The following PSD3 variants were observed in gnomAD, a reference collection of about 807,000 sequenced individuals.
The protein encoded by PSD3 is pleckstrin and Sec7 domain containing 3.
Under a neutral mutation model 105.5 loss-of-function variants are expected in PSD3, and 49 were observed. The ratio of observed to expected loss-of-function variants is 0.46; its 90% CI spans 0.37 to 0.59. The LOEUF (loss-of-function observed/expected upper bound fraction) is 0.59. Among genes scored for constraint, PSD3 ranks in the 20% least tolerant of loss-of-function variants. The pLI is 0.00. For synonymous variants in PSD3, 557 were observed against 457.8 expected, an observed-to-expected ratio of 1.22 and a Z score of -2.77; for missense variants, 1,561 against 1,263.8, an observed-to-expected ratio of 1.24 and a Z score of -3.57.
intron 1 of PSD3, among the ~76,000 whole-genome samples, chr8:18,972,026 C>T (rs960255550): frequency 6.6e-6 from 1 of 152,018 alleles, no homozygotes; most frequent in Non-Finnish European, 1.5e-5. Flanking sequence ...AAACAAAATA[C>T]TATAAAGAGT....
In PSD3 at chr8:19,031,182, C is replaced by T. The variant is rs79200895; in HGVS notation, c.324+53024G>A. On this transcript the variant is annotated intron_variant, in intron 1 of 1. Transcript: ENST00000521475. ...TTATCAGTGTCCAGCAAAACCAGGA[C>T]ATTCACCAACATATTTTGTCAAGTA... Among the ~76,000 whole-genome samples the T allele has an allele frequency of 4.3e-3, 662 of 152,294 alleles. 3 individuals carry two copies. The highest frequency in any genetic ancestry group is 0.015 in the African/African-American group (635 of 41,548).
chr8:18,907,304 A>G (rs1819909835), intron 2 of PSD3, among the ~76,000 whole-genome samples: 1 of 152,004 alleles, frequency 6.6e-6, no homozygotes. Context: ...GCCCTATATG[A>G]TGGTACAATT....
chr8:18,605,698 T>G (rs1171596355), intron 11 of PSD3, among the ~76,000 whole-genome samples: 1 of 152,134 alleles, frequency 6.6e-6, no homozygotes, highest in East Asian at 1.9e-4. Flanking sequence ...TAATTCCCAG[T>G]GTTGGAGGTG....
intron 3 of PSD3, among the ~76,000 whole-genome samples, chr8:18,868,556 A>G (rs1441925527): frequency 6.6e-6 from 1 of 152,136 alleles, no homozygotes; most frequent in African/African-American, 2.4e-5. Flanking sequence ...ATCAGAAGCC[A>G]AGAGCTGCCC....
intron 9 of PSD3, among the ~76,000 whole-genome samples, chr8:18,717,505 C>T (rs920084018): frequency 6.6e-6 from 1 of 151,698 alleles, no homozygotes; most frequent in African/African-American, 2.4e-5. Context: ...AGCTTTTGAG[C>T]CAAAACATAT....
At chr8:18,554,863 A>G (rs763225105) in intron 15 of PSD3, among the ~76,000 whole-genome samples, 1 of 152,164 alleles carries the variant, frequency 6.6e-6, no homozygotes, top group Non-Finnish European at 1.5e-5. Flanking sequence ...GACGAACAGG[A>G]CTGTCAGAAA....
chr8:18,859,834 T>G (rs1166551962), intron 4 of PSD3, among the ~76,000 whole-genome samples: 1 of 152,220 alleles, frequency 6.6e-6, no homozygotes, highest in African/African-American at 2.4e-5. Flanking sequence ...TGATTTGATC[T>G]TCTATCCAGA....
chr8:18,885,556 TTCTG>T (rs1176490863), intron 2 of PSD3, among the ~76,000 whole-genome samples: 1 of 152,198 alleles, frequency 6.6e-6, no homozygotes, highest in Non-Finnish European at 1.5e-5. Flanking sequence ...TTCTTTAAAC[TTCTG>T]TCTATGAAGA....
intron 2 of PSD3, among the ~76,000 whole-genome samples, chr8:18,925,722 C>G (rs573876252): frequency 6.6e-6 from 1 of 152,134 alleles, no homozygotes; most frequent in African/African-American, 2.4e-5. Context: ...TTATAAAATT[C>G]GAGAGAGAAG....
intron 8 of PSD3, among the ~76,000 whole-genome samples, chr8:18,775,720 G>A (rs1331960842): frequency 1.3e-5 from 2 of 152,050 alleles, no homozygotes; most frequent in African/African-American, 4.8e-5. Context: ...TATATATTCT[G>A]GTTATTAATC....
intron 2 of PSD3, among the ~76,000 whole-genome samples, chr8:18,896,740 C>G (rs942493805): frequency 6.6e-6 from 1 of 151,418 alleles, no homozygotes; most frequent in African/African-American, 2.4e-5. Flanking sequence ...AATTTACATT[C>G]CCACCTACAA....
intron 8 of PSD3, among the ~76,000 whole-genome samples, chr8:18,780,745 G>A (rs373245888): frequency 6.6e-5 from 10 of 152,168 alleles, no homozygotes; most frequent in African/African-American, 1.4e-4. Flanking sequence ...TAGTAGAGAC[G>A]GGGTTTCACT....
At chr8:18,692,564 G>A (rs1322690949) in intron 9 of PSD3, among the ~76,000 whole-genome samples, 5 of 152,096 alleles carry the variant, frequency 3.3e-5, no homozygotes, top group South Asian at 4.1e-4. Context: ...ATAATGGAGC[G>A]GGAGCTGAGA....
chr8:18,960,968 C>A (rs907855283), intron 1 of PSD3, among the ~76,000 whole-genome samples: 1 of 152,040 alleles, frequency 6.6e-6, no homozygotes, highest in African/African-American at 2.4e-5. Flanking sequence ...CACCTGTATT[C>A]CCAGCTACTC....
rs775666868 is a variant in PSD3 at position 18,806,465 on chromosome 8, A to C, written c.1635-1567T>G. 2.4e-4 allele frequency among the ~76,000 whole-genome samples: 36 copies of C among 152,360 alleles called. 1 individual carries two copies. Among genetic ancestry groups the C allele is most frequent in the Non-Finnish European group, 1.6e-4 (11 of 68,038 alleles). ...ATAACAGTGAAACTAATGAGGATAC[A>C]TTAATTTCCAAATCTTTATCTTAAC... is the stretch of plus-strand genomic sequence containing the variant. On this transcript the variant is annotated intron_variant, in intron 4 of 15. Transcript: ENST00000327040.
intron 8 of PSD3, among the ~76,000 whole-genome samples, chr8:18,798,575 C>A (rs1383904306): frequency 2.0e-5 from 3 of 152,024 alleles, no homozygotes; most frequent in South Asian, 2.1e-4. Context: ...TATATTACGG[C>A]AAATCAAGGG....
chr8:18,911,760 A>G (rs1233111776), intron 2 of PSD3, among the ~76,000 whole-genome samples: 2 of 152,180 alleles, frequency 1.3e-5, no homozygotes, highest in African/African-American at 4.8e-5. Flanking sequence ...ATATAAATGT[A>G]CACATACACC....
At chr8:18,607,130 T>C (rs1388213183) in intron 11 of PSD3, among the ~76,000 whole-genome samples, 2 of 152,128 alleles carry the variant, frequency 1.3e-5, no homozygotes, top group African/African-American at 4.8e-5. Context: ...AGAGAGATGA[T>C]GAGATAAGAG....
chr8:19,005,010 T>C (rs1051915248), intron 1 of PSD3, among the ~76,000 whole-genome samples: 2 of 152,020 alleles, frequency 1.3e-5, no homozygotes, highest in Non-Finnish European at 2.9e-5. Flanking sequence ...AACGTCTTTA[T>C]CAGCAGTGTG....
Sources: allele counts gnomAD v4.1 joint callset (sites outside exome capture counted in the v4.1 genomes callset), GRCh38; gene constraint gnomAD v4.1.1; transcripts MANE v1.5; gene names NCBI Gene and HGNC (gene_info 2026-07-23, HGNC 2026-07-21).